SMUG1: variants seen among roughly 807,000 people sequenced by gnomAD.
SMUG1 encodes single-strand selective monofunctional uracil DNA glycosylase.
A neutral mutation model predicts 23.9 loss-of-function variants in SMUG1; 13 were observed. That is an observed-to-expected ratio of 0.54 (90% CI 0.35 to 0.86). The LOEUF is 0.86. Ranked by LOEUF, SMUG1 falls within the 40% of genes least tolerant of loss-of-function variation. The probability of loss-of-function intolerance (pLI) is 0.01; values close to 1 mark genes in which losing one functional copy is unlikely to be tolerated. For missense variants in SMUG1, 313 were observed against 339.5 expected, an observed-to-expected ratio of 0.92 and a Z score of 0.61; for synonymous variants, 133 against 139.8, an observed-to-expected ratio of 0.95 and a Z score of 0.34.
At chr12:54,183,387 G>A in intron 3 of SMUG1, 1 of 568,360 alleles carries the variant, frequency 1.8e-6, no homozygotes, top group South Asian at 2.3e-5. Context: ...AGTAAGGATG[G>A]GGCTGGCGGA....
intron 2 of SMUG1, among the ~76,000 whole-genome samples, chr12:54,184,719 T>C (rs1337201542): frequency 6.6e-6 from 1 of 152,160 alleles, no homozygotes; most frequent in East Asian, 1.9e-4. Flanking sequence ...TACAACCCCC[T>C]AACCCCAGCC....
downstream of SMUG1, among the ~76,000 whole-genome samples, chr12:54,176,404 CG>C (rs1391639503): frequency 6.6e-6 from 1 of 150,880 alleles, no homozygotes; most frequent in Non-Finnish European, 1.5e-5. Flanking sequence ...CCCAGCTACT[CG>C]GGAGGCTGAG....
downstream of SMUG1, among the ~76,000 whole-genome samples, chr12:54,178,534 C>A (rs1164681920): frequency 6.6e-6 from 1 of 152,182 alleles, no homozygotes; most frequent in Non-Finnish European, 1.5e-5. Context: ...TCTTCCCATC[C>A]CTTTCCCCAC....
In SMUG1 at chr12:54,181,609, T is replaced by G; in HGVS notation, c.*487A>C. 2 of 1,582,774 alleles carry G rather than the reference T, an allele frequency of 1.3e-6. No homozygotes were observed. Among genetic ancestry groups the G allele is most frequent in the Non-Finnish European group, 1.7e-6 (2 of 1,171,932 alleles). ...TCCAGCTGCAGCCTCCCATAAGAAG[T>G]TCACTCTTAATTTCATGTCCCATGC... is the stretch of plus-strand genomic sequence containing the variant. On this transcript the variant is annotated 3_prime_UTR_variant, in exon 4 of 4. Coordinates refer to ENST00000682136, the MANE Select transcript of SMUG1 (RefSeq NM_001243787.2).
At chr12:54,185,485 A>AAAAT (rs71070813) in intron 2 of SMUG1, among the ~76,000 whole-genome samples, 2,203 of 85,232 alleles carry the variant, frequency 0.026, 249 homozygotes, top group African/African-American at 0.054. Flanking sequence ...AATAAAATAA[A>AAAAT]AAATAAATAA....
intron 3 of SMUG1, among the ~76,000 whole-genome samples, chr12:54,169,173 C>T (rs1940555717): frequency 6.6e-6 from 1 of 152,218 alleles, no homozygotes; most frequent in African/African-American, 2.4e-5. Context: ...AAGAAACACA[C>T]AGCCCTAAGA....
intron 2 of SMUG1, chr12:54,172,134 G>A (rs1179299603): frequency 4.4e-6 from 2 of 449,826 alleles, no homozygotes; most frequent in Non-Finnish European, 9.0e-6. Context: ...GGCAGATCAT[G>A]TCACTCCCTT....
chr12:54,182,198 G>C lies in SMUG1; in HGVS notation c.711C>G (p.Leu237=), dbSNP rs781217559. The C allele has an allele frequency of 6.2e-7, 1 of 1,611,456 alleles. No individual in the cohort carries two copies. Among genetic ancestry groups the C allele is most frequent in the Non-Finnish European group, 8.5e-7 (1 of 1,178,238 alleles). ...GTGGGTTACGGGGAGAGGGATGCAG[G>C]AGCCCTTCCACCTGGACCTCTGGCA... is the stretch of plus-strand genomic sequence containing the variant. ...GLMPEVQVEG[L]LHPSPRNPQA... is the part of the protein sequence containing the mutation. The change falls in exon 4 of 4, where the codon CTC becomes CTG. Residue 237 remains leucine, a synonymous_variant. Transcript: ENST00000682136.
chr12:54,187,180 C>T (rs1942665704), intron 2 of SMUG1: 1 of 152,252 alleles, frequency 6.6e-6, no homozygotes. Context: ...TCCCATGCGA[C>T]AAGGACCATT....
In SMUG1 at chr12:54,185,073, C is replaced by G. The variant is rs376500413; in HGVS notation, c.-19-1114G>C. Among the ~76,000 whole-genome samples the G allele has an allele frequency of 8.7e-4, 133 of 152,230 alleles. 4 individuals are homozygous for G. In the South Asian group the frequency reaches 0.027, roughly 31 times the overall value. ...CCTGTAATCCCAGCACTTTAGGAGG[C>G]TGAGGTGGGCAGATCACCTGAGGTC... On this transcript the variant is annotated intron_variant, in intron 2 of 3. Coordinates refer to ENST00000682136, the MANE Select transcript of SMUG1 (RefSeq NM_001243787.2).
intron 3 of SMUG1, chr12:54,168,333 T>C (rs1275020750): frequency 6.6e-6 from 1 of 152,142 alleles, no homozygotes; most frequent in African/African-American, 2.4e-5. Flanking sequence ...CCTCTTGGAG[T>C]CTTGCTCCTC....
At chr12:54,185,468 AAAAAAAAATAAAATAAAAAAT>A (rs1942121607) in intron 2 of SMUG1, among the ~76,000 whole-genome samples, 1 of 87,644 alleles carries the variant, frequency 1.1e-5, no homozygotes, top group African/African-American at 3.9e-5. Flanking sequence ...ACTCCATCTC[AAAAAAAAATAAAATAAAAAAT>A]AAATAAATAA....
chr12:54,164,798 GAATAAT>G (rs1565798879), intron 4 of SMUG1: 1 of 152,198 alleles, frequency 6.6e-6, no homozygotes, highest in African/African-American at 2.4e-5. Flanking sequence ...TGCAAGAGTG[GAATAAT>G]AATAGTAGCA....
chr12:54,179,755 G>A (rs1940843999), downstream of SMUG1, among the ~76,000 whole-genome samples: 1 of 151,948 alleles, frequency 6.6e-6, no homozygotes, highest in African/African-American at 2.4e-5. Flanking sequence ...ACAACCCCCC[G>A]CCACCCACCC....
At chr12:54,172,165 T>C (rs1940636975) in intron 2 of SMUG1, 1 of 438,010 alleles carries the variant, frequency 2.3e-6, no homozygotes, top group African/African-American at 2.0e-5. Context: ...CTGCAGTGAC[T>C]TCCCATGTTA....
intron 2 of SMUG1, among the ~76,000 whole-genome samples, chr12:54,173,402 GAA>G (rs1450052907): frequency 6.6e-6 from 1 of 152,180 alleles, no homozygotes. Flanking sequence ...GGGCGAGGGA[GAA>G]AAAAGTGTCG....
At chr12:54,175,964 C>T (rs372571104), downstream of SMUG1, among the ~76,000 whole-genome samples, 85 of 152,236 alleles carry the variant, frequency 5.6e-4, no homozygotes, top group African/African-American at 1.9e-3. Flanking sequence ...CAGTGGCTCA[C>T]GCCTGTAATC....
At chr12:54,183,085 G>C in intron 3 of SMUG1, 1 of 184,026 alleles carries the variant, frequency 5.4e-6, no homozygotes, top group Non-Finnish European at 1.1e-5. Context: ...CCCAGTTGGG[G>C]TCAATAAAAG....
chr12:54,165,187 C>A (rs1940408270), intron 4 of SMUG1, among the ~76,000 whole-genome samples: 1 of 152,208 alleles, frequency 6.6e-6, no homozygotes, highest in Non-Finnish European at 1.5e-5. Context: ...TGTTCACTCT[C>A]ATGGCAACCC....
Sources: allele counts gnomAD v4.1 joint callset (sites outside exome capture counted in the v4.1 genomes callset), GRCh38; gene constraint gnomAD v4.1.1; transcripts MANE v1.5; gene names NCBI Gene and HGNC (gene_info 2026-07-23, HGNC 2026-07-21).